CTNNAL1: variants seen among roughly 807,000 people sequenced by gnomAD.
CTNNAL1 encodes the protein catenin alpha like 1, also known as alpha-catulin.
A neutral mutation model predicts 93.6 loss-of-function variants in CTNNAL1; 69 were observed. The observed-to-expected ratio is 0.74, with a 90% CI of 0.61 to 0.90. The LOEUF (loss-of-function observed/expected upper bound fraction) is 0.90. Among genes scored for constraint, CTNNAL1 ranks in the 40% least tolerant of loss-of-function variants. The pLI is 0.00. For missense variants in CTNNAL1, 836 were observed against 862.0 expected, an observed-to-expected ratio of 0.97 and a Z score of 0.38; for synonymous variants, 286 against 305.4, an observed-to-expected ratio of 0.94 and a Z score of 0.66.
intron 3 of CTNNAL1, chr9:108,992,012 G>A (rs759947919): frequency 2.7e-6 from 2 of 748,568 alleles, no homozygotes; most frequent in Admixed American, 1.8e-5. Flanking sequence ...TTGTAGTTGT[G>A]GATAATTATC....
At chr9:108,968,373 C>T (rs1831017308) in intron 10 of CTNNAL1, among the ~76,000 whole-genome samples, 1 of 152,186 alleles carries the variant, frequency 6.6e-6, no homozygotes, top group African/African-American at 2.4e-5. Context: ...ACAACATGCT[C>T]TGCCACTATC....
At position 108,971,280 on chromosome 9, in the gene CTNNAL1, G is replaced by T. The variant is rs555337925; in HGVS notation, c.1348-786C>A. Among the ~76,000 whole-genome samples the T allele has an allele frequency of 2.0e-5, 3 of 152,230 alleles. No homozygotes were observed. In the East Asian group the frequency reaches 5.8e-4, roughly 29 times the overall value. ...TAGTCTTTGAGATTTGGTGAACAGG[G>T]TATGTTAGATTATGTGAAGATAGCT... On this transcript the variant is annotated intron_variant, in intron 9 of 18. Coordinates refer to ENST00000325551, the MANE Select transcript of CTNNAL1 (RefSeq NM_003798.4).
chr9:108,943,646 A>G (rs984710867), intron 17 of CTNNAL1, 57 bp downstream of exon 17: 49 of 1,416,538 alleles, frequency 3.5e-5, no homozygotes, highest in East Asian at 4.7e-5. Context: ...TTGAAGAAAA[A>G]GGGGCTTTAA....
chr9:108,943,622 T>C, intron 17 of CTNNAL1, 81 bp downstream of exon 17: 1 of 1,164,382 alleles, frequency 8.6e-7, no homozygotes, highest in Non-Finnish European at 1.2e-6. Context: ...CTTCTGTGGG[T>C]ACTAACAGTT....
At chr9:108,991,798 C>T in intron 3 of CTNNAL1, 1 of 417,562 alleles carries the variant, frequency 2.4e-6, no homozygotes, top group African/African-American at 2.1e-5. Flanking sequence ...TCCTCTAGGA[C>T]AACTCCTTCC....
chr9:108,950,240 A>G (rs1220480361), intron 14 of CTNNAL1, among the ~76,000 whole-genome samples: 1 of 152,204 alleles, frequency 6.6e-6, no homozygotes, highest in East Asian at 1.9e-4. Context: ...GTGCAAATTT[A>G]TTGTGGGTAA....
chr9:109,010,913 T>G (rs1227240558), intron 1 of CTNNAL1, among the ~76,000 whole-genome samples: 1 of 152,238 alleles, frequency 6.6e-6, no homozygotes, highest in African/African-American at 2.4e-5. Flanking sequence ...CCATTGATGA[T>G]GTTCATTTGA....
At position 109,013,263 on chromosome 9, in the gene CTNNAL1, C is replaced by A. The variant is rs889700899; in HGVS notation, c.141+39G>T. The stretch of plus-strand genomic sequence containing the variant: ...CGGCGGCCGCCATCGCGGGCCGCGG[C>A]GGGAAGGAGAAGAGGGGCCGCGCCA... On this transcript the variant is annotated intron_variant, in intron 1 of 18. Coordinates refer to ENST00000325551, the MANE Select transcript of CTNNAL1 (RefSeq NM_003798.4). 8 of 1,438,222 alleles carry A rather than the reference C, an allele frequency of 5.6e-6. No individual in the cohort carries two copies. In the African/African-American group the frequency reaches 9.4e-5, roughly 17 times the overall value. The allele number at this position is 1,438,222 out of a possible 1,614,324, so 89.1% of individuals were successfully genotyped here.
At chr9:108,986,941 T>C (rs1831628816) in intron 4 of CTNNAL1, among the ~76,000 whole-genome samples, 1 of 152,232 alleles carries the variant, frequency 6.6e-6, no homozygotes, top group African/African-American at 2.4e-5. Context: ...CTTTGTCAGA[T>C]GAGTAGGTTG....
In CTNNAL1 at chr9:108,960,887, A is replaced by G. The variant is rs143351199; in HGVS notation, c.1591+4491T>C. 3.4e-3 allele frequency among the ~76,000 whole-genome samples: 521 copies of G among 152,358 alleles called. 1 individual carries two copies. The highest frequency in any genetic ancestry group is 5.4e-3 in the Non-Finnish European group (364 of 68,036). ...GCAGAATGGGATGAAAGCAGAAGAC[A>G]GGAAGACAAGTATTGATTTTTACCT... On this transcript the variant is annotated intron_variant, in intron 11 of 18. Coordinates refer to ENST00000325551, the MANE Select transcript of CTNNAL1 (RefSeq NM_003798.4).
intron 9 of CTNNAL1, among the ~76,000 whole-genome samples, chr9:108,972,405 C>T (rs1158436248): frequency 6.6e-6 from 1 of 152,154 alleles, no homozygotes; most frequent in East Asian, 1.9e-4. Context: ...GACGTACCTC[C>T]ATGGCTCTAC....
chr9:108,964,384 A>T (rs1011767257), intron 11 of CTNNAL1, among the ~76,000 whole-genome samples: 2 of 152,214 alleles, frequency 1.3e-5, no homozygotes, highest in Non-Finnish European at 2.9e-5. Context: ...CATTTTATTT[A>T]AAAAAATAAG....
At chr9:108,972,870 G>GTGT in intron 8 of CTNNAL1, 37 bp from the exon 9 acceptor site, 1 of 1,450,326 alleles carries the variant, frequency 6.9e-7, no homozygotes, top group Non-Finnish European at 9.1e-7. Flanking sequence ...GTGGGAGGGT[G>GTGT]GAGAAGGAGA....
In CTNNAL1 at chr9:108,948,759, G is replaced by A. The variant is rs146069857; in HGVS notation, c.1836-525C>T. 3.9e-5 allele frequency among the ~76,000 whole-genome samples: 6 copies of A among 152,234 alleles called. No individual in the cohort carries two copies. The East Asian group carries it at 1.2e-3, about 29-fold the overall frequency. On this transcript the variant is annotated intron_variant, in intron 14 of 18. Transcript: ENST00000325551. ...ACTCTCATCAGAAGATTGAGGAACA[G>A]CAGATTAAAAACTACCAAGAAGAAT...
Position 108,965,512 on chromosome 9 carries a change from T to G in CTNNAL1, c.1457A>C (p.Glu486Ala). Residue 486 changes from glutamate (E) to alanine (A), a missense_variant, in exon 11 of 19, where the codon GAA becomes GCA. Glu to Ala is a moderately radical substitution (Grantham distance 107, BLOSUM62 -1). Coordinates refer to ENST00000325551, the MANE Select transcript of CTNNAL1 (RefSeq NM_003798.4). The part of the protein sequence containing the change: ...VTGQQIISAA[E>A]TLTLHPSSKI... Reference sequence around the variant, plus strand: ...ACTAGATGGATGCAATGTCAATGTTTCAGCAGCAGAAATTATCTAAAGAAA... The same window carrying G: ...ACTAGATGGATGCAATGTCAATGTTGCAGCAGCAGAAATTATCTAAAGAAA... The G allele has an allele frequency of 6.4e-7, 1 of 1,564,770 alleles. No homozygotes were observed. Among genetic ancestry groups the G allele is most frequent in the Non-Finnish European group, 8.7e-7 (1 of 1,155,204 alleles).
intron 3 of CTNNAL1, 48 bp downstream of exon 3, chr9:108,992,584 G>A (rs746755029): frequency 6.5e-7 from 1 of 1,542,486 alleles, no homozygotes; most frequent in East Asian, 2.3e-5. Flanking sequence ...AAAGCACTTT[G>A]AACAACACAG....
chr9:108,954,197 GTCAGAT>G (rs1830636623), intron 12 of CTNNAL1, among the ~76,000 whole-genome samples: 1 of 152,134 alleles, frequency 6.6e-6, no homozygotes, highest in Non-Finnish European at 1.5e-5. Context: ...TTGGAATGCA[GTCAGAT>G]TCATTCGTTT....
At chr9:108,945,643 G>GTT (rs1319557755) in intron 15 of CTNNAL1, among the ~76,000 whole-genome samples, 1 of 120,692 alleles carries the variant, frequency 8.3e-6, no homozygotes, top group African/African-American at 3.0e-5. Flanking sequence ...TTTTTTTTTT[G>GTT]TTTTGTTTTT....
In CTNNAL1 at chr9:108,944,047, T is replaced by C. The variant is rs769299785; in HGVS notation, c.1885-29A>G. 6 of 1,583,008 alleles carry C rather than the reference T, an allele frequency of 3.8e-6. No individual in the cohort carries two copies. The African/African-American group carries it at 6.8e-5, about 18-fold the overall frequency. On this transcript the variant is annotated intron_variant, in intron 15 of 18. Transcript: ENST00000325551. ...GTAGAAAGAGAAAACACCACTATTT[T>C]AGACTGATGTCTATGGATAGTTGGT...
Sources: gnomAD v4.1 joint callset for allele counts (sites outside exome capture counted in the v4.1 genomes callset) on GRCh38, gnomAD v4.1.1 for gene constraint, MANE v1.5 for transcripts, NCBI Gene and HGNC (gene_info 2026-07-23, HGNC 2026-07-21) for gene names.